MCCC2: variants seen among roughly 807,000 people sequenced by gnomAD.
MCCC2 encodes the protein methylcrotonyl-CoA carboxylase subunit 2.
In MCCC2, 52 loss-of-function variants were observed where a neutral mutation model predicts 77.2. That is an observed-to-expected ratio of 0.67 (90% CI 0.54 to 0.85). The LOEUF is 0.85. Among genes scored for constraint, MCCC2 ranks in the 40% least tolerant of loss-of-function variants. The pLI is 0.00. For synonymous variants in MCCC2, 253 were observed against 248.4 expected (o/e 1.02, Z -0.18); for missense variants, 682 against 703.2 (o/e 0.97, Z 0.34).
chr5:71,601,036 T>C (rs1745408567), intron 4 of MCCC2, among the ~76,000 whole-genome samples: 2 of 152,282 alleles, frequency 1.3e-5, no homozygotes, highest in South Asian at 2.1e-4. Flanking sequence ...CTGGGGTCAG[T>C]CCTACTTGAG....
intron 1 of MCCC2, among the ~76,000 whole-genome samples, chr5:71,592,082 C>G (rs1191734674): frequency 6.6e-6 from 1 of 152,094 alleles, no homozygotes; most frequent in Non-Finnish European, 1.5e-5. Flanking sequence ...CTTTTTAAAA[C>G]ATAAAATAGG....
intron 5 of MCCC2, 64 bp downstream of exon 5, chr5:71,602,697 G>A: frequency 6.2e-7 from 1 of 1,608,740 alleles, no homozygotes; most frequent in East Asian, 2.2e-5. Context: ...AGTTTGGAAG[G>A]CTGTATGTAT....
chr5:71,594,896 CTCT>C (rs1561818187), intron 2 of MCCC2, among the ~76,000 whole-genome samples: 58 of 59,342 alleles, frequency 9.8e-4, no homozygotes, highest in Admixed American at 2.0e-3. Flanking sequence ...TTAAGTCTCT[CTCT>C]TTTTTTTTTT....
intron 3 of MCCC2, among the ~76,000 whole-genome samples, chr5:71,597,532 AGT>A (rs1745235412): frequency 1.8e-4 from 2 of 11,044 alleles, no homozygotes; most frequent in Admixed American, 1.8e-3. Flanking sequence ...GGCATAGGGT[AGT>A]AGTAGTGGTG....
intron 6 of MCCC2, among the ~76,000 whole-genome samples, chr5:71,605,653 C>T (rs277923): frequency 0.32 from 47,682 of 150,568 alleles, 8,288 homozygotes; most frequent in East Asian, 0.51. Flanking sequence ...AGTCCTTGCC[C>T]ATGCCTATGT....
intron 6 of MCCC2, among the ~76,000 whole-genome samples, chr5:71,619,729 G>T (rs1255029225): frequency 1.3e-5 from 2 of 152,080 alleles, no homozygotes; most frequent in African/African-American, 2.4e-5. Context: ...AAGCAGGCAC[G>T]GTGGCTCACA....
chr5:71,601,834 G>T (rs1046291476), intron 4 of MCCC2, among the ~76,000 whole-genome samples: 1 of 152,174 alleles, frequency 6.6e-6, no homozygotes, highest in African/African-American at 2.4e-5. Flanking sequence ...ACCAGCTGTG[G>T]TTGTTGGCCG....
intron 1 of MCCC2, among the ~76,000 whole-genome samples, chr5:71,591,180 T>G (rs760571860): frequency 6.6e-5 from 10 of 152,200 alleles, no homozygotes; most frequent in Admixed American, 3.3e-4. Context: ...CTTAGTGTTC[T>G]GTCAAACAGA....
Position 71,635,191 on chromosome 5 carries a change from A to G in MCCC2, c.944A>G (p.Asp315Gly), listed in dbSNP as rs1746874722. ...TCTGAAGAGCCTTTATTTCCTGCTG[A>G]TGAATTGTATGGAATAGTTGGTGCT... Reference protein sequence around the residue: ...EPSEEPLFPADELYGIVGANL... With the variant: ...EPSEEPLFPAGELYGIVGANL... The change falls in exon 10 of 17, where the codon GAT (aspartate) becomes GGT (glycine). Residue 315 changes from aspartate to glycine, a missense_variant. Asp to Gly is a moderately conservative substitution (Grantham distance 94). Transcript: ENST00000340941. 1 of 1,614,140 alleles carries G rather than the reference A, an allele frequency of 6.2e-7. No homozygotes were observed. Among genetic ancestry groups the G allele is most frequent in the African/African-American group, 1.3e-5 (1 of 75,052 alleles).
intron 6 of MCCC2, among the ~76,000 whole-genome samples, chr5:71,617,703 G>A (rs1340670127): frequency 6.6e-6 from 1 of 152,118 alleles, no homozygotes; most frequent in Non-Finnish European, 1.5e-5. Context: ...TATTTCGATA[G>A]TAAGCACCAG....
At chr5:71,618,437 C>T (rs277956) in intron 6 of MCCC2, among the ~76,000 whole-genome samples, 58,690 of 151,736 alleles carry the variant, frequency 0.39, 11,806 homozygotes, top group Admixed American at 0.54. Flanking sequence ...CTTCCAGAAC[C>T]GTGAAAAGTA....
At chr5:71,605,260 T>G (rs1745623728) in intron 6 of MCCC2, among the ~76,000 whole-genome samples, 1 of 151,596 alleles carries the variant, frequency 6.6e-6, no homozygotes, top group Non-Finnish European at 1.5e-5. Flanking sequence ...CCTGACTTTT[T>G]AATGATTGCC....
chr5:71,638,092 T>C (rs1746992340), intron 10 of MCCC2, among the ~76,000 whole-genome samples: 1 of 152,220 alleles, frequency 6.6e-6, no homozygotes, highest in South Asian at 2.1e-4. Flanking sequence ...ATACTCTATA[T>C]CCGTAATTGT....
At position 71,599,666 on chromosome 5, in the gene MCCC2, T is replaced by A; in HGVS notation, c.289T>A (p.Phe97Ile). Reference protein sequence around the residue: ...IDNLIDPGSPFLELSQFAGYQ... With the variant: ...IDNLIDPGSPILELSQFAGYQ... ...ATCCTTTCTTCGCTTTAGGTCTCCA[T>A]TTCTGGAATTATCCCAGTTTGCAGG... Residue 97 changes from phenylalanine (F) to isoleucine (I), a missense_variant, in exon 4 of 17, where the codon TTT becomes ATT. Physicochemically the swap from Phe to Ile is conservative, Grantham distance 21 (BLOSUM62 0). Coordinates refer to ENST00000340941, the MANE Select transcript of MCCC2 (RefSeq NM_022132.5). 1 of 1,613,784 alleles carries A rather than the reference T, an allele frequency of 6.2e-7. No individual in the cohort carries two copies. Among genetic ancestry groups the A allele is most frequent in the Non-Finnish European group, 8.5e-7 (1 of 1,179,674 alleles).
At position 71,644,033 on chromosome 5, in the gene MCCC2, ATGTG is replaced by A. The variant is rs61210707; in HGVS notation, c.1149+173_1149+176del. 3.6e-3 allele frequency: 1,995 copies of A among 557,292 alleles called. 2 individuals carry two copies. The highest frequency in any genetic ancestry group is 0.01 in the African/African-American group (480 of 46,542). 34.5% of individuals were successfully genotyped at this position (557,292 alleles called of 1,614,324 possible). On this transcript the variant is annotated intron_variant, in intron 12 of 16. Coordinates refer to ENST00000340941, the MANE Select transcript of MCCC2 (RefSeq NM_022132.5). The stretch of plus-strand genomic sequence containing the variant: ...CAACCAGAACACTGTGTGCGCGGGC[ATGTG>A]TGTGTGTGTGTGTGTGTGTGTGTGT...
chr5:71,627,016 G>A (rs556820344), intron 7 of MCCC2, among the ~76,000 whole-genome samples: 4 of 151,928 alleles, frequency 2.6e-5, no homozygotes, highest in Admixed American at 6.6e-5. Context: ...CTGCCACCTC[G>A]GCACCACCAT....
At chr5:71,607,283 CT>C (rs1409789187) in intron 6 of MCCC2, among the ~76,000 whole-genome samples, 1 of 152,154 alleles carries the variant, frequency 6.6e-6, no homozygotes, top group Non-Finnish European at 1.5e-5. Context: ...AGAGATTCAA[CT>C]TCTTCCTGGT....
intron 7 of MCCC2, 21 bp from the exon 8 acceptor site, chr5:71,632,100 T>C: frequency 1.9e-6 from 3 of 1,613,074 alleles, no homozygotes; most frequent in Non-Finnish European, 2.5e-6. Flanking sequence ...ATTTCACTGA[T>C]GATTTTTATC....
intron 6 of MCCC2, among the ~76,000 whole-genome samples, chr5:71,614,860 C>T (rs1380994737): frequency 6.6e-6 from 1 of 152,086 alleles, no homozygotes; most frequent in African/African-American, 2.4e-5. Context: ...CACGTTGATA[C>T]CTTTTCTTTA....
Sources: gnomAD v4.1 joint callset for allele counts (sites outside exome capture counted in the v4.1 genomes callset) on GRCh38, gnomAD v4.1.1 for gene constraint, MANE v1.5 for transcripts, NCBI Gene and HGNC (gene_info 2026-07-23, HGNC 2026-07-21) for gene names.